Variants in CCDC85A observed in about 807,000 individuals in gnomAD.
CCDC85A encodes coiled-coil domain-containing protein 85A.
CCDC85A carries 38 observed loss-of-function variants against 50.2 expected under a neutral mutation model. The observed-to-expected ratio is 0.76, with a 90% CI of 0.58 to 0.99. CCDC85A has a LOEUF of 0.99. Among genes scored for constraint, CCDC85A ranks in the 50% least tolerant of loss-of-function variants. The pLI is 0.00. For missense variants in CCDC85A, 820 were observed against 742.0 expected (o/e 1.11, Z -1.22); for synonymous variants, 366 against 301.4 (o/e 1.21, Z -2.22).
At chr2:56,286,905 A>G (rs1573178998) in intron 2 of CCDC85A, among the ~76,000 whole-genome samples, 1 of 152,088 alleles carries the variant, frequency 6.6e-6, no homozygotes, top group Non-Finnish European at 1.5e-5. Flanking sequence ...ATCCTGTTGG[A>G]CTTGGTTTTA....
At chr2:56,354,953 C>A (rs1192973139) in intron 3 of CCDC85A, among the ~76,000 whole-genome samples, 1 of 152,150 alleles carries the variant, frequency 6.6e-6, no homozygotes, top group Non-Finnish European at 1.5e-5. Context: ...CCACACCAGC[C>A]CAAATTGGGA....
rs531084078 is a variant in CCDC85A at position 56,322,198 on chromosome 2, A to T, written c.1241-20681A>T. On this transcript the variant is annotated intron_variant, in intron 2 of 5. Transcript: ENST00000407595. ...CTAAAGCCATAAAAACTCTAGAAGA[A>T]AACCTAGGCAAAACCATTCAGGCCA... Among the ~76,000 whole-genome samples, 4 of 152,350 alleles carry T rather than the reference A, an allele frequency of 2.6e-5. No individual in the cohort carries two copies. The East Asian group carries it at 7.7e-4, about 29-fold the overall frequency.
intron 2 of CCDC85A, among the ~76,000 whole-genome samples, chr2:56,224,868 A>G (rs1384634941): frequency 6.6e-6 from 1 of 152,084 alleles, no homozygotes; most frequent in Non-Finnish European, 1.5e-5. Context: ...ATGATGTACA[A>G]ATAGTTGTTT....
At chr2:56,278,975 C>T (rs1300327652) in intron 2 of CCDC85A, among the ~76,000 whole-genome samples, 1 of 152,234 alleles carries the variant, frequency 6.6e-6, no homozygotes, top group Non-Finnish European at 1.5e-5. Flanking sequence ...AACAAACCAT[C>T]TCCTTCTTAA....
upstream of CCDC85A, chr2:56,183,978 C>A (rs897357059): frequency 1.7e-5 from 17 of 985,638 alleles, no homozygotes; most frequent in Admixed American, 4.3e-4. Context: ...GCCGGTCCCC[C>A]ACCCTCCACC....
chr2:56,265,974 G>A (rs534950337), intron 2 of CCDC85A, among the ~76,000 whole-genome samples: 1 of 152,168 alleles, frequency 6.6e-6, no homozygotes, highest in African/African-American at 2.4e-5. Context: ...TAAAAGGTAG[G>A]AAATTCTGTC....
chr2:56,340,350 A>G (rs916164328), intron 2 of CCDC85A, among the ~76,000 whole-genome samples: 4 of 152,202 alleles, frequency 2.6e-5, no homozygotes, highest in African/African-American at 9.7e-5. Context: ...AGGGGCTCCA[A>G]ACACTTAGGT....
At chr2:56,329,945 GTTTTTTTT>G (rs535050957) in intron 2 of CCDC85A, among the ~76,000 whole-genome samples, 15 of 44,160 alleles carry the variant, frequency 3.4e-4, no homozygotes, top group African/African-American at 9.3e-4. Context: ...CAGATTTCCT[GTTTTTTTT>G]TTTTTTTTTT....
intron 2 of CCDC85A, among the ~76,000 whole-genome samples, chr2:56,236,826 A>G (rs532005194): frequency 6.6e-6 from 1 of 152,122 alleles, no homozygotes; most frequent in East Asian, 1.9e-4. Context: ...TTATGTCCCC[A>G]TTATCCTTAT....
At chr2:56,243,599 A>C (rs1669362376) in intron 2 of CCDC85A, among the ~76,000 whole-genome samples, 1 of 152,156 alleles carries the variant, frequency 6.6e-6, no homozygotes, top group Non-Finnish European at 1.5e-5. Context: ...TCTGTGTCTG[A>C]AAGGTCACAT....
intron 2 of CCDC85A, among the ~76,000 whole-genome samples, chr2:56,196,914 A>T (rs887188794): frequency 6.6e-6 from 1 of 150,752 alleles, no homozygotes; most frequent in East Asian, 1.9e-4. Flanking sequence ...GAATTGTTTA[A>T]TTATCCTGGT....
intron 3 of CCDC85A, among the ~76,000 whole-genome samples, chr2:56,361,482 C>A (rs1675524423): frequency 6.6e-6 from 1 of 152,112 alleles, no homozygotes; most frequent in Non-Finnish European, 1.5e-5. Flanking sequence ...ATATGTAATA[C>A]ATTACCCAAA....
At chr2:56,212,919 T>A (rs374041383) in intron 2 of CCDC85A, among the ~76,000 whole-genome samples, 4 of 152,034 alleles carry the variant, frequency 2.6e-5, no homozygotes, top group African/African-American at 7.2e-5. Flanking sequence ...TGGCTGTTGA[T>A]AAGTGTTAGG....
At chr2:56,227,511 G>T (rs990001550) in intron 2 of CCDC85A, among the ~76,000 whole-genome samples, 6 of 152,134 alleles carry the variant, frequency 3.9e-5, no homozygotes, top group African/African-American at 1.4e-4. Context: ...GCGGGAATTG[G>T]TTTTTGTCCT....
At chr2:56,376,141 C>T (rs897656574) in intron 5 of CCDC85A, among the ~76,000 whole-genome samples, 1 of 145,776 alleles carries the variant, frequency 6.9e-6, no homozygotes, top group African/African-American at 2.7e-5. Flanking sequence ...ATGGTTGAAT[C>T]TCTAGTTTTA....
intron 3 of CCDC85A, among the ~76,000 whole-genome samples, chr2:56,365,524 G>C (rs1675748512): frequency 6.6e-6 from 1 of 152,128 alleles, no homozygotes; most frequent in Non-Finnish European, 1.5e-5. Flanking sequence ...CAAAGAATGA[G>C]TGCATAGACT....
chr2:56,347,213 C>A (rs1033240741), intron 3 of CCDC85A, among the ~76,000 whole-genome samples: 1 of 152,274 alleles, frequency 6.6e-6, no homozygotes, highest in Non-Finnish European at 1.5e-5. Context: ...TAGGACAACC[C>A]CCCTTTTCAG....
At chr2:56,291,518 T>C (rs1671702679) in intron 2 of CCDC85A, among the ~76,000 whole-genome samples, 1 of 152,148 alleles carries the variant, frequency 6.6e-6, no homozygotes, top group Admixed American at 6.5e-5. Flanking sequence ...CCTGAGTAGA[T>C]GATATTTAAG....
At chr2:56,311,917 A>G (rs1334202021) in intron 2 of CCDC85A, among the ~76,000 whole-genome samples, 3 of 152,042 alleles carry the variant, frequency 2.0e-5, no homozygotes, top group Non-Finnish European at 4.4e-5. Flanking sequence ...CCAGCATCAC[A>G]TTTTAACAAG....
Sources: allele counts gnomAD v4.1 joint callset (sites outside exome capture counted in the v4.1 genomes callset), GRCh38; gene constraint gnomAD v4.1.1; transcripts MANE v1.5; gene names NCBI Gene and HGNC (gene_info 2026-07-23, HGNC 2026-07-21).